Variants in INO80D observed in about 807,000 individuals in gnomAD.
INO80D encodes INO80 complex subunit D.
A neutral mutation model predicts 87.6 loss-of-function variants in INO80D; 21 were observed. The observed-to-expected ratio is 0.24, with a 90% CI of 0.17 to 0.35. INO80D has a LOEUF of 0.35. INO80D is among the 10% of genes least tolerant of loss of function. The probability of loss-of-function intolerance (pLI) is 1.00; values close to 1 mark genes in which losing one functional copy is unlikely to be tolerated. For synonymous variants in INO80D, 440 were observed against 491.0 expected (o/e 0.90, Z 1.37); for missense variants, 982 against 1,280.7 (o/e 0.77, Z 3.56).
intron 6 of INO80D, among the ~76,000 whole-genome samples, chr2:206,026,618 T>C (rs1688622390): frequency 2.7e-5 from 4 of 150,204 alleles, no homozygotes. Flanking sequence ...GTTAAATATG[T>C]ATTTATATAT....
intron 5 of INO80D, among the ~76,000 whole-genome samples, chr2:206,029,671 C>T (rs966288429): frequency 2.0e-5 from 3 of 152,174 alleles, no homozygotes; most frequent in African/African-American, 2.4e-5. Context: ...AGCACATTCT[C>T]GTCAGTATAC....
chr2:206,020,727 A>G lies in INO80D; in HGVS notation c.1299-882T>C, dbSNP rs550592829. On this transcript the variant is annotated intron_variant, in intron 6 of 10. Coordinates refer to ENST00000403263, the MANE Select transcript of INO80D (RefSeq NM_017759.5). Reference sequence around the variant, plus strand: ...AAAATGAAAGAATGCTAGGCAGTGAAGAATCGACTTCTTGCCCTTGCCCCC... The same window carrying G: ...AAAATGAAAGAATGCTAGGCAGTGAGGAATCGACTTCTTGCCCTTGCCCCC... Among the ~76,000 whole-genome samples the G allele has an allele frequency of 2.0e-5, 3 of 152,332 alleles. No homozygotes were observed. The South Asian group carries it at 6.2e-4, about 32-fold the overall frequency.
intron 5 of INO80D, among the ~76,000 whole-genome samples, chr2:206,030,203 T>A (rs528990827): frequency 3.5e-4 from 53 of 152,232 alleles, no homozygotes; most frequent in Non-Finnish European, 6.5e-4. Context: ...CTGGGTACGA[T>A]GGCTCACATC....
chr2:206,060,494 T>C (rs1689657754), intron 3 of INO80D, among the ~76,000 whole-genome samples: 1 of 150,382 alleles, frequency 6.6e-6, no homozygotes, highest in East Asian at 2.0e-4. Context: ...ATCATGCCAC[T>C]GTACTTCAGC....
At chr2:206,017,321 T>C (rs1688345426) in intron 8 of INO80D, among the ~76,000 whole-genome samples, 1 of 152,202 alleles carries the variant, frequency 6.6e-6, no homozygotes, top group Non-Finnish European at 1.5e-5. Flanking sequence ...TCCTCCAAAT[T>C]ATTCTGAATT....
intron 1 of INO80D, among the ~76,000 whole-genome samples, chr2:206,073,768 G>A (rs930462565): frequency 4.6e-5 from 7 of 152,080 alleles, no homozygotes; most frequent in Non-Finnish European, 8.8e-5. Context: ...ACCAGCATCA[G>A]CCTCCCAAAG....
rs1365362212 is a variant in INO80D at position 206,033,102 on chromosome 2, A to G, written c.1074-4767T>C. Among the ~76,000 whole-genome samples the G allele has an allele frequency of 3.3e-5, 5 of 152,342 alleles. No individual in the cohort carries two copies. The East Asian group carries it at 9.6e-4, about 29-fold the overall frequency. On this transcript the variant is annotated intron_variant, in intron 5 of 10. Transcript: ENST00000403263. ...TGCCTTCAGGAGACTCACCTAACAT[A>G]TAAGGACTCACATAAACTTAAAGGC...
At chr2:206,020,305 A>T (rs1688425853) in intron 6 of INO80D, among the ~76,000 whole-genome samples, 1 of 152,220 alleles carries the variant, frequency 6.6e-6, no homozygotes, top group South Asian at 2.1e-4. Flanking sequence ...TTGAGCTGGC[A>T]GGGTTGTTGG....
rs150689313 is a variant in INO80D, at chr2:206,083,530, C to A, written c.-124+2371G>T. On this transcript the variant is annotated intron_variant, in intron 1 of 10. Coordinates refer to ENST00000403263, the MANE Select transcript of INO80D (RefSeq NM_017759.5). ...TGTAATTTGCATTTTTGTATCAGAT[C>A]CATACAATCTCAAATATCAAGATTT... Among the ~76,000 whole-genome samples the A allele has an allele frequency of 2.2e-4, 33 of 152,202 alleles. No homozygotes were observed. In the East Asian group the frequency reaches 5.2e-3, roughly 24 times the overall value.
Position 206,005,337 on chromosome 2 carries a change from C to G in INO80D, c.2115G>C (p.Leu705Phe). 6.2e-7 allele frequency: 1 copy of G among 1,614,016 alleles called. No individual in the cohort carries two copies. The change falls in exon 11 of 11, where the codon TTG (leucine) becomes TTC (phenylalanine). Residue 705 changes from leucine to phenylalanine, a missense_variant. Physicochemically the swap from Leu to Phe is conservative, Grantham distance 22. Transcript: ENST00000403263. ...TGTGASGIQS[L>F]SREVNTDLGE... ...CTAGGTCTGTGTTCACCTCTCGGCTCAAGGATTGTATTCCTGAAGCTCCAG... is the reference window on the plus strand; with the variant it reads ...CTAGGTCTGTGTTCACCTCTCGGCTGAAGGATTGTATTCCTGAAGCTCCAG...
At chr2:206,008,515 A>C (rs1688087903) in intron 9 of INO80D, among the ~76,000 whole-genome samples, 1 of 144,006 alleles carries the variant, frequency 6.9e-6, no homozygotes, top group African/African-American at 2.6e-5. Context: ...TCCTGACATC[A>C]TGATCCACCC....
Position 206,062,958 on chromosome 2 carries a change from T to C in INO80D, c.59A>G (p.Tyr20Cys). The C allele has an allele frequency of 3.7e-6, 6 of 1,613,436 alleles. No individual in the cohort carries two copies. Among genetic ancestry groups the C allele is most frequent in the Non-Finnish European group, 5.1e-6 (6 of 1,179,798 alleles). The change falls in exon 3 of 11, where the codon TAT becomes TGT. Residue 20 changes from tyrosine (Y) to cysteine (C), a missense_variant. By Grantham distance (194) the Tyr-to-Cys change is radical. Coordinates refer to ENST00000403263, the MANE Select transcript of INO80D (RefSeq NM_017759.5). This position sits in a 1 kb window ranked among gnomAD's most constrained non-coding sequence, Gnocchi z 4.6. ...CCTCTGCTTGCACAGTTTGGGGCTA[T>C]ATGAGCACAAGGGCTTATTGTCAAC... is the stretch of plus-strand genomic sequence containing the variant. The part of the protein sequence containing the change: ...SEVDNKPLCS[Y>C]SPKLCKQRRL...
At position 206,000,818 on chromosome 2, in the gene INO80D, A is replaced by G. The variant is rs1347840662; in HGVS notation, c.*3550T>C. Reference sequence around the variant, plus strand: ...GACAGTAACACCAATTTTAAGGAAAAAAAATAATAACCTCACTTTCCAACT... The same window carrying G: ...GACAGTAACACCAATTTTAAGGAAAGAAAATAATAACCTCACTTTCCAACT... On this transcript the variant is annotated 3_prime_UTR_variant, in exon 11 of 11. Coordinates refer to ENST00000403263, the MANE Select transcript of INO80D (RefSeq NM_017759.5). 1 of 152,246 alleles carries G rather than the reference A, an allele frequency of 6.6e-6. No individual in the cohort carries two copies. The highest frequency in any genetic ancestry group is 6.5e-5 in the Admixed American group (1 of 15,282). 9.4% of individuals were successfully genotyped at this position (152,246 alleles called of 1,614,324 possible).
chr2:206,056,152 T>C (rs1447692828), intron 4 of INO80D, 46 bp downstream of exon 4: 10 of 1,509,446 alleles, frequency 6.6e-6, no homozygotes, highest in Non-Finnish European at 8.9e-6. Flanking sequence ...ACCGAACACA[T>C]TTTGTCATAT....
At position 205,993,895 on chromosome 2, in the gene INO80D, A is replaced by G. The variant is rs957734468; in HGVS notation, c.*10473T>C. 3.3e-5 allele frequency: 5 copies of G among 152,382 alleles called. No individual in the cohort carries two copies. In the East Asian group the frequency reaches 9.6e-4, roughly 29 times the overall value. 9.4% of individuals were successfully genotyped at this position (152,382 alleles called of 1,614,324 possible). A position where few individuals can be genotyped will look rare whatever the true frequency, so the allele number is the denominator to read the frequency against. On this transcript the variant is annotated 3_prime_UTR_variant, in exon 11 of 11. Transcript: ENST00000403263. ...TATACAAAAACCCTTAAACAAATTA[A>G]ACAAGGACCAGATAACAAAAGGAGA...
In INO80D at chr2:205,999,945, T is replaced by C. The variant is rs1393868037; in HGVS notation, c.*4423A>G. On this transcript the variant is annotated 3_prime_UTR_variant, in exon 11 of 11. Coordinates refer to ENST00000403263, the MANE Select transcript of INO80D (RefSeq NM_017759.5). ...TGTATTGGGCGGGGGGAAACATCTATGTTCTTTCATATATATATATAAAAA... is the reference window on the plus strand; with the variant it reads ...TGTATTGGGCGGGGGGAAACATCTACGTTCTTTCATATATATATATAAAAA... 1 of 152,176 alleles carries C rather than the reference T, an allele frequency of 6.6e-6. No homozygotes were observed. The highest frequency in any genetic ancestry group is 2.4e-5 in the African/African-American group (1 of 41,448). The allele number at this position is 152,176 out of a possible 1,614,324, so 9.4% of individuals were successfully genotyped here. A position where few individuals can be genotyped will look rare whatever the true frequency, so the allele number is the denominator to read the frequency against.
At chr2:206,072,607 A>G (rs1370032710) in intron 1 of INO80D, among the ~76,000 whole-genome samples, 7 of 152,064 alleles carry the variant, frequency 4.6e-5, no homozygotes, top group African/African-American at 1.4e-4. Flanking sequence ...ACAAGGTTAC[A>G]GTAATTGTCA....
intron 5 of INO80D, among the ~76,000 whole-genome samples, chr2:206,033,975 A>G (rs1032651682): frequency 6.6e-6 from 1 of 152,196 alleles, no homozygotes; most frequent in Non-Finnish European, 1.5e-5. Context: ...CTTTATGTAC[A>G]TAAACTGGAA....
At chr2:206,023,032 C>G (rs1364662265) in intron 6 of INO80D, among the ~76,000 whole-genome samples, 1 of 152,034 alleles carries the variant, frequency 6.6e-6, no homozygotes, top group East Asian at 1.9e-4. Flanking sequence ...AATCCTGTCT[C>G]TACAAAAAAT....
Sources: allele counts gnomAD v4.1 joint callset (sites outside exome capture counted in the v4.1 genomes callset), GRCh38; gene constraint gnomAD v4.1.1; non-coding constraint Gnocchi (gnomAD v3.1); transcripts MANE v1.5; gene names NCBI Gene and HGNC (gene_info 2026-07-23, HGNC 2026-07-21).